The following CCDC30 variants were observed in gnomAD, a reference collection of about 807,000 sequenced individuals.
The protein encoded by CCDC30 is coiled-coil domain-containing protein 30.
CCDC30 carries 70 observed loss-of-function variants against 100.2 expected under a neutral mutation model. That is an observed-to-expected ratio of 0.70 (90% CI 0.58 to 0.85). The LOEUF (loss-of-function observed/expected upper bound fraction) is 0.85. Ranked by LOEUF, CCDC30 falls within the 40% of genes least tolerant of loss-of-function variation. CCDC30 has a pLI of 0.00. For synonymous variants in CCDC30, 233 were observed against 269.5 expected (o/e 0.86, Z 1.33); for missense variants, 652 against 771.2 (o/e 0.85, Z 1.83).
chr1:42,467,448 C>T (rs1312642803), intron 1 of CCDC30, among the ~76,000 whole-genome samples: 1 of 152,086 alleles, frequency 6.6e-6, no homozygotes, highest in Non-Finnish European at 1.5e-5. Flanking sequence ...TGACTGGTTG[C>T]ATACCAGAGT....
intron 6 of CCDC30, among the ~76,000 whole-genome samples, chr1:42,518,657 A>C (rs1345825392): frequency 6.6e-6 from 1 of 152,192 alleles, no homozygotes; most frequent in African/African-American, 2.4e-5. Flanking sequence ...AGTACATTCT[A>C]TGATGTTTGC....
chr1:42,493,803 C>T (rs1644185168), intron 4 of CCDC30, among the ~76,000 whole-genome samples: 1 of 151,946 alleles, frequency 6.6e-6, no homozygotes, highest in South Asian at 2.1e-4. Flanking sequence ...AACTTTATGC[C>T]AGTAAATTGA....
chr1:42,636,748 A>T (rs1438242769), intron 11 of CCDC30, among the ~76,000 whole-genome samples: 5 of 151,972 alleles, frequency 3.3e-5, no homozygotes, highest in Non-Finnish European at 7.4e-5. Context: ...CAGGCGGATC[A>T]CAAGGTCAGG....
chr1:42,533,438 T>C (rs1363228079), intron 6 of CCDC30, among the ~76,000 whole-genome samples: 1 of 152,142 alleles, frequency 6.6e-6, no homozygotes, highest in African/African-American at 2.4e-5. Flanking sequence ...CTCCCCAGAG[T>C]AAGCAGGAGT....
chr1:42,646,212 A>T, exon 15 of CCDC30: 1 of 1,576,154 alleles, frequency 6.3e-7, no homozygotes, highest in African/African-American at 1.3e-5. Context: ...AGAAACAGAA[A>T]GAAATATACA....
At chr1:42,586,420 C>T (rs946642404) in intron 9 of CCDC30, among the ~76,000 whole-genome samples, 2 of 152,076 alleles carry the variant, frequency 1.3e-5, no homozygotes, top group Non-Finnish European at 2.9e-5. Context: ...GATCCTCCTG[C>T]CTCCACCTAC....
Position 42,596,932 on chromosome 1 carries a change from A to C in CCDC30, c.1164+7449A>C, listed in dbSNP as rs146276007. Among the ~76,000 whole-genome samples, 991 of 152,200 alleles carry C rather than the reference A, an allele frequency of 6.5e-3. 15 individuals carry two copies. The highest frequency in any genetic ancestry group is 0.023 in the African/African-American group (954 of 41,520). On this transcript the variant is annotated intron_variant, in intron 10 of 16. Transcript: ENST00000668663. This position sits in a 1 kb window ranked among gnomAD's most constrained non-coding sequence, Gnocchi z 4.3. The stretch of plus-strand genomic sequence containing the variant: ...GGGCAATGCAAGCAGAGAGAGGGAA[A>C]TCCTAAGAAAGAACCACATAGAAAT...
intron 7 of CCDC30, among the ~76,000 whole-genome samples, chr1:42,566,761 C>G (rs898541978): frequency 6.6e-6 from 1 of 152,124 alleles, no homozygotes; most frequent in African/African-American, 2.4e-5. Flanking sequence ...CCCTGGTTGT[C>G]CTGCCCTGTG....
At chr1:42,610,992 C>A (rs1277358392) in exon 11 of CCDC30, 1 of 1,603,108 alleles carries the variant, frequency 6.2e-7, no homozygotes, top group Non-Finnish European at 8.5e-7. Flanking sequence ...TCAAAAGCAA[C>A]CAGGAATTGT....
intron 9 of CCDC30, among the ~76,000 whole-genome samples, chr1:42,587,981 G>T (rs1646110648): frequency 6.6e-6 from 1 of 152,208 alleles, no homozygotes; most frequent in African/African-American, 2.4e-5. Context: ...TGGGAGATCA[G>T]TCTCAAATCT....
intron 6 of CCDC30, among the ~76,000 whole-genome samples, chr1:42,561,993 G>C (rs1043046499): frequency 2.6e-5 from 4 of 152,134 alleles, no homozygotes; most frequent in African/African-American, 9.7e-5. Flanking sequence ...CATCCTAATG[G>C]ATAGGAAGAA....
chr1:42,490,301 A>C, intron 4 of CCDC30, 72 bp downstream of exon 4: 1 of 663,096 alleles, frequency 1.5e-6, no homozygotes, highest in Non-Finnish European at 2.1e-6. Flanking sequence ...TGCAGTCCCA[A>C]AGACTTGGGA....
chr1:42,469,382 T>A (rs959255365), intron 1 of CCDC30, among the ~76,000 whole-genome samples: 4 of 151,996 alleles, frequency 2.6e-5, no homozygotes, highest in Non-Finnish European at 4.4e-5. Context: ...AGTACAATGG[T>A]AAGAGCAGAA....
chr1:42,539,134 CTT>C (rs1644964346), intron 6 of CCDC30, 37 bp from the exon 8 acceptor site: 7 of 1,424,298 alleles, frequency 4.9e-6, no homozygotes, highest in Non-Finnish European at 6.6e-6. Context: ...GGAAAATAGT[CTT>C]ATTTTATTCT....
At chr1:42,483,407 A>G (rs1643997871) in intron 3 of CCDC30, among the ~76,000 whole-genome samples, 1 of 152,232 alleles carries the variant, frequency 6.6e-6, no homozygotes, top group Non-Finnish European at 1.5e-5. Context: ...TAAGAGCAGA[A>G]TTACTGAATC....
At chr1:42,501,761 A>G (rs1644316499) in intron 6 of CCDC30, among the ~76,000 whole-genome samples, 1 of 152,188 alleles carries the variant, frequency 6.6e-6, no homozygotes, top group South Asian at 2.1e-4. Flanking sequence ...CAGAGGCTGC[A>G]GAACAGCAAA....
At chr1:42,503,303 G>C (rs561284941) in intron 6 of CCDC30, among the ~76,000 whole-genome samples, 1 of 152,314 alleles carries the variant, frequency 6.6e-6, no homozygotes, top group East Asian at 1.9e-4. Flanking sequence ...AATAGGCAGA[G>C]GAAAAGAGAG....
chr1:42,473,843 T>G (rs1004786399), intron 1 of CCDC30, among the ~76,000 whole-genome samples: 5 of 152,190 alleles, frequency 3.3e-5, no homozygotes, highest in African/African-American at 1.2e-4. Flanking sequence ...AACAAATGAT[T>G]CTAACTTTTT....
intron 15 of CCDC30, among the ~76,000 whole-genome samples, chr1:42,649,082 G>A (rs1483723023): frequency 6.6e-6 from 1 of 152,110 alleles, no homozygotes; most frequent in East Asian, 1.9e-4. Flanking sequence ...GAAAAGATCA[G>A]AACCTGCTGG....
Sources: gnomAD v4.1 joint callset for allele counts (sites outside exome capture counted in the v4.1 genomes callset) on GRCh38, gnomAD v4.1.1 for gene constraint, Gnocchi (gnomAD v3.1) non-coding constraint, MANE v1.5 for transcripts, NCBI Gene and HGNC (gene_info 2026-07-23, HGNC 2026-07-21) for gene names.